Variants in ZNF724 observed in about 807,000 individuals in gnomAD.
The protein encoded by ZNF724 is zinc finger protein 724.
A neutral mutation model predicts 29.3 loss-of-function variants in ZNF724; 14 were observed. The ratio of observed to expected loss-of-function variants is 0.48; its 90% CI spans 0.32 to 0.75. The LOEUF (loss-of-function observed/expected upper bound fraction) is 0.75, where lower values mean the gene tolerates loss of function less well. Ranked by LOEUF, ZNF724 falls within the 30% of genes least tolerant of loss-of-function variation. ZNF724 has a pLI of 0.04. For synonymous variants in ZNF724, 180 were observed against 193.6 expected (o/e 0.93, Z 0.58); for missense variants, 557 against 571.2 (o/e 0.98, Z 0.25).
chr19:23,223,117 G>A lies in ZNF724; in HGVS notation c.1128C>T (p.Asn376=), dbSNP rs557480445. 2.3e-5 allele frequency: 29 copies of A among 1,260,578 alleles called. No individual in the cohort carries two copies. The highest frequency in any genetic ancestry group is 1.4e-4 in the South Asian group (12 of 83,638). 78.1% of individuals were successfully genotyped at this position (1,260,578 alleles called of 1,614,324 possible). Residue 376 remains asparagine, a synonymous_variant, in exon 4 of 4, where the codon AAC becomes AAT. Transcript: ENST00000418100. ...YKCEECGKAF[N]VSSTLTQHKR... The stretch of plus-strand genomic sequence containing the variant: ...TATGTTGAGTAAGAGTTGAGGACAC[G>A]TTAAAGGCTTTGCCACACTCTTCAC...
chr19:23,230,885 A>G (rs953223494), intron 3 of ZNF724: 1 of 152,670 alleles, frequency 6.6e-6, no homozygotes, highest in Non-Finnish European at 1.5e-5. Context: ...TTATTCGTTT[A>G]TTTATTTATT....
At chr19:23,232,124 T>C (rs779585899) in intron 2 of ZNF724, 43 bp downstream of exon 2, 3 of 1,236,586 alleles carry the variant, frequency 2.4e-6, no homozygotes, top group Non-Finnish European at 3.5e-6. Context: ...ACAAACGAAA[T>C]ATTTAGGGTA....
chr19:23,239,307 CCACA>C lies in ZNF724; in HGVS notation c.4-7018_4-7015del, dbSNP rs1424354039. ...ACCACGTCACATACTCTAAAATTGA[CCACA>C]CAATCAGAAATAAAACAATCCTCAG... is the stretch of plus-strand genomic sequence containing the variant. On this transcript the variant is annotated intron_variant, in intron 1 of 3. Transcript: ENST00000418100. Among the ~76,000 whole-genome samples, 6 of 152,172 alleles carry C rather than the reference CCACA, an allele frequency of 3.9e-5. No homozygotes were observed. In the East Asian group the frequency reaches 1.2e-3, roughly 29 times the overall value.
At chr19:23,231,992 C>A (rs1971941682) in intron 2 of ZNF724, among the ~76,000 whole-genome samples, 175 bp downstream of exon 2, 1 of 152,078 alleles carries the variant, frequency 6.6e-6, no homozygotes, top group Non-Finnish European at 1.5e-5. Flanking sequence ...CCGCCTTGGC[C>A]ACCCAAAGTG....
At chr19:23,238,422 G>A (rs1281832473) in intron 1 of ZNF724, among the ~76,000 whole-genome samples, 1 of 152,108 alleles carries the variant, frequency 6.6e-6, no homozygotes, top group Non-Finnish European at 1.5e-5. Flanking sequence ...TGAGGTCCTA[G>A]ATAAAGACAA....
intron 3 of ZNF724, among the ~76,000 whole-genome samples, chr19:23,225,504 G>A (rs894261861): frequency 6.6e-6 from 1 of 151,996 alleles, no homozygotes; most frequent in African/African-American, 2.4e-5. Context: ...TACTCAGGAG[G>A]CTGAGGTGGC....
At chr19:23,231,231 C>T in intron 3 of ZNF724, 35 bp downstream of exon 3, 1 of 1,244,380 alleles carries the variant, frequency 8.0e-7, no homozygotes, top group Admixed American at 2.1e-5. Flanking sequence ...TTGGACCTCT[C>T]ATCTGTGTCA....
chr19:23,244,026 G>A (rs1972190010), intron 1 of ZNF724, among the ~76,000 whole-genome samples: 1 of 151,574 alleles, frequency 6.6e-6, no homozygotes, highest in Non-Finnish European at 1.5e-5. Context: ...AAACTTTCAT[G>A]ACACAATCTT....
intron 1 of ZNF724, among the ~76,000 whole-genome samples, chr19:23,249,860 GATGA>G (rs1327882949): frequency 6.6e-6 from 1 of 152,142 alleles, no homozygotes; most frequent in East Asian, 1.9e-4. Context: ...TAGGGGGAAA[GATGA>G]ACTGGAAACG....
intron 3 of ZNF724, among the ~76,000 whole-genome samples, chr19:23,224,979 A>C (rs983787458): frequency 1.4e-5 from 2 of 147,958 alleles, no homozygotes; most frequent in East Asian, 4.0e-4. Context: ...ACAAACAACA[A>C]CAACAAAAAA....
At chr19:23,244,991 A>T (rs2145794942) in intron 1 of ZNF724, among the ~76,000 whole-genome samples, 1 of 152,322 alleles carries the variant, frequency 6.6e-6, no homozygotes, top group Non-Finnish European at 1.5e-5. Context: ...AGGTGGGGAG[A>T]GATGAAGCAC....
chr19:23,235,216 C>T (rs986390353), intron 1 of ZNF724, among the ~76,000 whole-genome samples: 4 of 151,874 alleles, frequency 2.6e-5, no homozygotes, highest in African/African-American at 9.7e-5. Context: ...GGAGTCAGCA[C>T]AGCTGTTTAA....
intron 3 of ZNF724, among the ~76,000 whole-genome samples, chr19:23,225,982 G>A (rs993713649): frequency 1.3e-5 from 2 of 151,326 alleles, no homozygotes; most frequent in African/African-American, 4.9e-5. Flanking sequence ...TCCCCAAGCT[G>A]CTAGGACCAC....
At chr19:23,249,928 C>T (rs1972319122) in intron 1 of ZNF724, among the ~76,000 whole-genome samples, 2 of 152,314 alleles carry the variant, frequency 1.3e-5, no homozygotes, top group Admixed American at 6.5e-5. Context: ...TCAGGATTCT[C>T]CCCTGACTAC....
chr19:23,230,505 AG>A, intron 3 of ZNF724, among the ~76,000 whole-genome samples: 1 of 152,234 alleles, frequency 6.6e-6, no homozygotes, highest in East Asian at 1.9e-4. Context: ...GTATAAAAAC[AG>A]GAAGGAATGT....
chr19:23,222,631 T>G lies in ZNF724; in HGVS notation c.1614A>C (p.Glu538Asp). The G allele has an allele frequency of 7.4e-7, 1 of 1,360,116 alleles. No homozygotes were observed. The highest frequency in any genetic ancestry group is 1.1e-6 in the Non-Finnish European group (1 of 952,260). 84.3% of individuals were successfully genotyped at this position (1,360,116 alleles called of 1,614,324 possible). ...HAGEKPYKCE[E>D]CGKAFYQYSN... ...AGTATTGGTAAAAAGCTTTGCCACA[T>G]TCTTCACATTTGTAGGGTTTCTCTC... Residue 538 changes from glutamate (E) to aspartate (D), a missense_variant, in exon 4 of 4, where the codon GAA becomes GAC. By Grantham distance (45) the Glu-to-Asp change is conservative. Coordinates refer to ENST00000418100, the MANE Select transcript of ZNF724 (RefSeq NM_001355404.2).
At chr19:23,245,821 AT>A (rs1223856721) in intron 1 of ZNF724, among the ~76,000 whole-genome samples, 1 of 152,090 alleles carries the variant, frequency 6.6e-6, no homozygotes, top group East Asian at 1.9e-4. Context: ...TTAAATATAA[AT>A]CTAACTTTAT....
intron 1 of ZNF724, among the ~76,000 whole-genome samples, chr19:23,245,713 G>GA (rs1028211581): frequency 7.3e-5 from 11 of 151,660 alleles, no homozygotes; most frequent in African/African-American, 2.7e-4. Flanking sequence ...TCCTTAATAT[G>GA]AAAAAAACCC....
intron 3 of ZNF724, chr19:23,230,860 T>C (rs759733218): frequency 3.3e-5 from 5 of 152,572 alleles, no homozygotes; most frequent in South Asian, 2.1e-4. Context: ...AACTCCCAAA[T>C]TGTATTTCTT....
Sources: gnomAD v4.1 joint callset for allele counts (sites outside exome capture counted in the v4.1 genomes callset) on GRCh38, gnomAD v4.1.1 for gene constraint, MANE v1.5 for transcripts, NCBI Gene and HGNC (gene_info 2026-07-23, HGNC 2026-07-21) for gene names.